The following CAMK4 variants were observed in gnomAD, a reference collection of about 807,000 sequenced individuals.
CAMK4 encodes calcium/calmodulin dependent protein kinase IV, also known as calcium/calmodulin-dependent protein kinase type IV.
A neutral mutation model predicts 44.9 loss-of-function variants in CAMK4; 22 were observed. The observed-to-expected ratio is 0.49, with a 90% CI of 0.35 to 0.70. The LOEUF is 0.70. CAMK4 is among the 30% of genes least tolerant of loss of function. The probability of loss-of-function intolerance (pLI) is 0.01; values close to 1 mark genes in which losing one functional copy is unlikely to be tolerated. For missense variants in CAMK4, 498 were observed against 586.8 expected (o/e 0.85, Z 1.56); for synonymous variants, 218 against 215.4 (o/e 1.01, Z -0.11).
At chr5:111,457,196 A>T (rs1754446414) in intron 7 of CAMK4, among the ~76,000 whole-genome samples, 1 of 152,220 alleles carries the variant, frequency 6.6e-6, no homozygotes, top group Admixed American at 6.5e-5. Context: ...ATATTTTAAT[A>T]GGTTAAAAGG....
Position 111,487,363 on chromosome 5 carries a change from C to T in CAMK4, c.*2897C>T, listed in dbSNP as rs1289076918. ...ATGAAGGACAGTCTTGAATTATTTC[C>T]CCCATTAACAAAGTCTAATTGGAAT... On this transcript the variant is annotated 3_prime_UTR_variant, in exon 11 of 11. Transcript: ENST00000282356. The T allele has an allele frequency of 1.3e-5, 2 of 151,944 alleles. No individual in the cohort carries two copies. The highest frequency in any genetic ancestry group is 4.8e-5 in the African/African-American group (2 of 41,358). 9.4% of individuals were successfully genotyped at this position (151,944 alleles called of 1,614,324 possible).
intron 1 of CAMK4, among the ~76,000 whole-genome samples, chr5:111,258,124 C>G (rs428275): frequency 0.2 from 30,001 of 152,190 alleles, 3,774 homozygotes; most frequent in Non-Finnish European, 0.28. Context: ...ACCTATGTAA[C>G]AAACCCACAC....
intron 1 of CAMK4, among the ~76,000 whole-genome samples, chr5:111,253,655 C>T (rs1561364358): frequency 6.6e-6 from 1 of 152,102 alleles, no homozygotes; most frequent in Non-Finnish European, 1.5e-5. Context: ...TGCTTAGCTA[C>T]AATTTTATGA....
chr5:111,403,801 C>G (rs565594250), intron 5 of CAMK4, among the ~76,000 whole-genome samples: 2 of 152,256 alleles, frequency 1.3e-5, no homozygotes, highest in African/African-American at 4.8e-5. Flanking sequence ...AATGTTTCTG[C>G]ACACCATTAT....
intron 5 of CAMK4, among the ~76,000 whole-genome samples, chr5:111,419,083 T>A (rs1283739153): frequency 2.0e-5 from 3 of 152,176 alleles, no homozygotes; most frequent in Non-Finnish European, 4.4e-5. Context: ...TTCCTATTTC[T>A]CCACATCCTC....
At chr5:111,443,265 TATATATATATATATACACACACAC>T (rs1476570977) in intron 5 of CAMK4, among the ~76,000 whole-genome samples, 496 of 49,038 alleles carry the variant, frequency 0.01, 3 homozygotes, top group African/African-American at 0.033. Context: ...TATATATATA[TATATATATATATATACACACACAC>T]ACACACACAC....
chr5:111,363,045 G>T (rs1466066270), intron 2 of CAMK4, among the ~76,000 whole-genome samples: 1 of 152,116 alleles, frequency 6.6e-6, no homozygotes, highest in Non-Finnish European at 1.5e-5. Context: ...TTTCTATCTG[G>T]CAGCTATAAA....
At chr5:111,365,094 A>C (rs1750741701) in intron 2 of CAMK4, 1 of 152,232 alleles carries the variant, frequency 6.6e-6, no homozygotes, top group Non-Finnish European at 1.5e-5. Flanking sequence ...TCAAGTGCCA[A>C]GTGAAAGGAC....
chr5:111,463,498 C>G (rs1754712524), intron 7 of CAMK4, among the ~76,000 whole-genome samples: 1 of 152,202 alleles, frequency 6.6e-6, no homozygotes, highest in African/African-American at 2.4e-5. Flanking sequence ...AGCTGATGCT[C>G]TCTTGAAAGT....
At chr5:111,354,692 G>C (rs1338933473) in intron 2 of CAMK4, among the ~76,000 whole-genome samples, 2 of 152,002 alleles carry the variant, frequency 1.3e-5, no homozygotes, top group East Asian at 3.9e-4. Context: ...GCGAGACTCT[G>C]TCTCAAAAAT....
chr5:111,333,605 A>G (rs1749270427), intron 1 of CAMK4, among the ~76,000 whole-genome samples: 1 of 151,572 alleles, frequency 6.6e-6, no homozygotes, highest in African/African-American at 2.4e-5. Flanking sequence ...GTTAGGGCAG[A>G]AGTTTTATTA....
intron 7 of CAMK4, among the ~76,000 whole-genome samples, chr5:111,450,301 T>C (rs1475839613): frequency 6.6e-6 from 1 of 152,178 alleles, no homozygotes; most frequent in East Asian, 1.9e-4. Flanking sequence ...ACCACTGCAC[T>C]ACAGCCTGGG....
intron 1 of CAMK4, among the ~76,000 whole-genome samples, chr5:111,316,275 C>T (rs1014755036): frequency 6.6e-6 from 1 of 152,118 alleles, no homozygotes; most frequent in African/African-American, 2.4e-5. Flanking sequence ...CAGCTCAGTT[C>T]TTTTTCTATG....
intron 7 of CAMK4, among the ~76,000 whole-genome samples, chr5:111,457,932 A>G (rs1288958536): frequency 1.3e-5 from 2 of 152,238 alleles, no homozygotes; most frequent in African/African-American, 4.8e-5. Context: ...CTAGTTAATT[A>G]AATGCATGGT....
chr5:111,293,792 G>C (rs1481859502), intron 1 of CAMK4, among the ~76,000 whole-genome samples: 3 of 143,316 alleles, frequency 2.1e-5, no homozygotes, highest in Admixed American at 7.2e-5. Flanking sequence ...TGTCACCCAG[G>C]CTGGAGTGCA....
Position 111,482,539 on chromosome 5 carries a change from G to A in CAMK4, c.829-246G>A, listed in dbSNP as rs747755117. 4.2e-5 allele frequency: 13 copies of A among 307,130 alleles called. No individual in the cohort carries two copies. Among genetic ancestry groups the A allele is most frequent in the Non-Finnish European group, 6.5e-5 (11 of 169,482 alleles). The allele number at this position is 307,130 out of a possible 1,614,324, so 19.0% of individuals were successfully genotyped here. On this transcript the variant is annotated intron_variant, in intron 9 of 10. Coordinates refer to ENST00000282356, the MANE Select transcript of CAMK4 (RefSeq NM_001744.6). The surrounding 1 kb of genome is among the most constrained non-coding windows in gnomAD (Gnocchi z 4.9). Reference sequence around the variant, plus strand: ...GAGGAGCTGTTTCTTGACTTCTGTTGGAAAGCCGTCTGCCACTTTGGGGGT... The same window carrying A: ...GAGGAGCTGTTTCTTGACTTCTGTTAGAAAGCCGTCTGCCACTTTGGGGGT...
At chr5:111,319,601 A>C (rs531827016) in intron 1 of CAMK4, among the ~76,000 whole-genome samples, 1 of 152,122 alleles carries the variant, frequency 6.6e-6, no homozygotes, top group Non-Finnish European at 1.5e-5. Flanking sequence ...TGTATAATGA[A>C]AATTGCTAAT....
intron 2 of CAMK4, among the ~76,000 whole-genome samples, chr5:111,361,591 A>T (rs142392463): frequency 6.6e-6 from 1 of 152,200 alleles, no homozygotes; most frequent in Non-Finnish European, 1.5e-5. Flanking sequence ...CCTCTGTCAG[A>T]CTTGAATATA....
chr5:111,314,113 C>A (rs1748323482), intron 1 of CAMK4, among the ~76,000 whole-genome samples: 1 of 152,052 alleles, frequency 6.6e-6, no homozygotes, highest in Admixed American at 6.6e-5. Flanking sequence ...TATTAAACAG[C>A]TGTGAAATTT....
Sources: gnomAD v4.1 joint callset for allele counts (sites outside exome capture counted in the v4.1 genomes callset) on GRCh38, gnomAD v4.1.1 for gene constraint, Gnocchi (gnomAD v3.1) non-coding constraint, MANE v1.5 for transcripts, NCBI Gene and HGNC (gene_info 2026-07-23, HGNC 2026-07-21) for gene names.